ASAP1: variants seen among roughly 807,000 people sequenced by gnomAD.
ASAP1 encodes the protein ArfGAP with SH3 domain, ankyrin repeat and PH domain 1, also known as arf-GAP with SH3 domain, ANK repeat and PH domain-containing protein 1.
In ASAP1, 43 loss-of-function variants were observed where a neutral mutation model predicts 145.2. The ratio of observed to expected loss-of-function variants is 0.30; its 90% confidence interval spans 0.23 to 0.38. The LOEUF is 0.38. ASAP1 is among the 10% of genes least tolerant of loss of function. The pLI, the probability that ASAP1 is intolerant of heterozygous loss-of-function variation, is 1.00. For synonymous variants in ASAP1, 546 were observed against 515.5 expected, an observed-to-expected ratio of 1.06 and a Z score of -0.80; for missense variants, 1,018 against 1,355.3, an observed-to-expected ratio of 0.75 and a Z score of 3.91.
chr8:130,258,505 T>C (rs1298599641), intron 3 of ASAP1, among the ~76,000 whole-genome samples: 1 of 152,234 alleles, frequency 6.6e-6, no homozygotes, highest in East Asian at 1.9e-4. Context: ...ACTTTCCAGT[T>C]GTTTCATGTA....
chr8:130,174,573 T>C (rs908153205), intron 9 of ASAP1, among the ~76,000 whole-genome samples: 2 of 152,180 alleles, frequency 1.3e-5, no homozygotes, highest in African/African-American at 4.8e-5. Flanking sequence ...ACCATGCAAC[T>C]AGGTTCAGAA....
intron 12 of ASAP1, among the ~76,000 whole-genome samples, chr8:130,155,546 T>G (rs543870688): frequency 1.3e-5 from 2 of 152,170 alleles, no homozygotes; most frequent in Admixed American, 6.5e-5. Context: ...TTTGTAGAGA[T>G]AGGGTTTTGC....
chr8:130,372,993 T>C (rs1052917838), intron 2 of ASAP1, among the ~76,000 whole-genome samples: 2 of 146,874 alleles, frequency 1.4e-5, no homozygotes, highest in Non-Finnish European at 3.0e-5. Flanking sequence ...CGCACAGACA[T>C]ACACAGACAC....
At chr8:130,086,896 G>A (rs1490940422) in intron 25 of ASAP1, among the ~76,000 whole-genome samples, 3 of 152,208 alleles carry the variant, frequency 2.0e-5, no homozygotes, top group Non-Finnish European at 4.4e-5. Context: ...GTGGCCTTCT[G>A]TGAAGTAGAT....
intron 12 of ASAP1, among the ~76,000 whole-genome samples, chr8:130,153,065 A>G (rs963601592): frequency 6.6e-6 from 1 of 151,506 alleles, no homozygotes; most frequent in Non-Finnish European, 1.5e-5. Context: ...TGCCCAAGAT[A>G]GAGTGGTGCA....
chr8:130,442,713 C>T (rs1205455333), intron 1 of ASAP1, among the ~76,000 whole-genome samples: 2 of 152,146 alleles, frequency 1.3e-5, no homozygotes, highest in African/African-American at 4.8e-5. Flanking sequence ...CCCTGAGCTA[C>T]TGGAAAACCA....
chr8:130,257,139 CCTGTGTGGGCCCAGAG>C (rs1192964367), intron 3 of ASAP1, among the ~76,000 whole-genome samples: 2 of 152,014 alleles, frequency 1.3e-5, no homozygotes, highest in Non-Finnish European at 2.9e-5. Flanking sequence ...GTCTTTGGAG[CCTGTGTGGGCCCAGAG>C]CAGTAACTAT....
At chr8:130,400,064 C>A (rs1828713501) in intron 2 of ASAP1, among the ~76,000 whole-genome samples, 1 of 152,150 alleles carries the variant, frequency 6.6e-6, no homozygotes, top group South Asian at 2.1e-4. Flanking sequence ...AGGTGATCCG[C>A]CCACCTCGGC....
chr8:130,098,994 ACT>A (rs1002931819), intron 24 of ASAP1, among the ~76,000 whole-genome samples: 34 of 138,692 alleles, frequency 2.5e-4, no homozygotes, highest in African/African-American at 8.7e-4. Flanking sequence ...TAAGCTCAAT[ACT>A]CTCTACTAAT....
chr8:130,196,483 T>C (rs528105135), intron 5 of ASAP1, among the ~76,000 whole-genome samples: 8 of 152,358 alleles, frequency 5.3e-5, no homozygotes, highest in African/African-American at 1.7e-4. Flanking sequence ...CAAGCCACCC[T>C]GTCCTGCTGG....
At chr8:130,357,800 C>T (rs1826422496) in intron 3 of ASAP1, among the ~76,000 whole-genome samples, 1 of 152,242 alleles carries the variant, frequency 6.6e-6, no homozygotes, top group African/African-American at 2.4e-5. Flanking sequence ...CCTCTCCCAC[C>T]TCCAGTCCCC....
chr8:130,387,722 T>C (rs16904260), intron 2 of ASAP1, among the ~76,000 whole-genome samples: 33,008 of 150,818 alleles, frequency 0.22, 3,835 homozygotes, highest in African/African-American at 0.25. Flanking sequence ...TATATGAAAA[T>C]TGTCTAGTCC....
chr8:130,256,770 T>G (rs1819586580), intron 3 of ASAP1, among the ~76,000 whole-genome samples: 1 of 125,984 alleles, frequency 7.9e-6, no homozygotes, highest in African/African-American at 3.0e-5. Flanking sequence ...TATATATATA[T>G]ATATATATAT....
At chr8:130,088,601 G>C (rs62524628) in intron 25 of ASAP1, among the ~76,000 whole-genome samples, 25,391 of 152,106 alleles carry the variant, frequency 0.17, 2,631 homozygotes, top group East Asian at 0.44. Flanking sequence ...AGGGCCTCTG[G>C]AGGGAGCAAA....
intron 5 of ASAP1, among the ~76,000 whole-genome samples, chr8:130,204,370 C>A (rs1344204163): frequency 6.6e-6 from 1 of 152,174 alleles, no homozygotes; most frequent in Non-Finnish European, 1.5e-5. Flanking sequence ...CTAGAGCAGA[C>A]CACCTGGGTT....
At chr8:130,371,535 C>A (rs1422325262) in intron 2 of ASAP1, among the ~76,000 whole-genome samples, 1 of 152,166 alleles carries the variant, frequency 6.6e-6, no homozygotes, top group Non-Finnish European at 1.5e-5. Context: ...TAAATCTAGC[C>A]AGTGAGATGT....
intron 2 of ASAP1, among the ~76,000 whole-genome samples, chr8:130,400,278 A>T (rs2138559714): frequency 6.6e-6 from 1 of 152,070 alleles, no homozygotes; most frequent in East Asian, 1.9e-4. Context: ...CAGCTTTTTA[A>T]GATTCTCAGA....
intron 3 of ASAP1, among the ~76,000 whole-genome samples, chr8:130,330,488 C>G (rs906307467): frequency 1.3e-5 from 2 of 152,248 alleles, no homozygotes; most frequent in African/African-American, 4.8e-5. Context: ...CACCTGTGAA[C>G]ACCTTTGGGA....
intron 4 of ASAP1, among the ~76,000 whole-genome samples, chr8:130,229,945 C>G (rs961516721): frequency 1.3e-5 from 2 of 151,946 alleles, no homozygotes; most frequent in Non-Finnish European, 2.9e-5. Flanking sequence ...AACTGTGGTC[C>G]CAGCTGCTAC....
Sources: allele counts gnomAD v4.1 joint callset (sites outside exome capture counted in the v4.1 genomes callset), GRCh38; gene constraint gnomAD v4.1.1; transcripts MANE v1.5; gene names NCBI Gene and HGNC (gene_info 2026-07-23, HGNC 2026-07-21).